Variants in PTPRR observed in about 807,000 individuals in gnomAD.
The protein encoded by PTPRR is protein tyrosine phosphatase receptor type R.
Under a neutral mutation model 77.2 loss-of-function variants are expected in PTPRR, and 38 were observed. The ratio of observed to expected loss-of-function variants is 0.49; its 90% CI spans 0.38 to 0.65. PTPRR has a LOEUF of 0.65. Among genes scored for constraint, PTPRR ranks in the 30% least tolerant of loss-of-function variants. The pLI is 0.00. For missense variants in PTPRR, 744 were observed against 799.2 expected (o/e 0.93, Z 0.83); for synonymous variants, 299 against 283.1 (o/e 1.06, Z -0.57).
chr12:70,674,701 GA>G (rs1266445557), intron 10 of PTPRR, among the ~76,000 whole-genome samples: 2 of 152,096 alleles, frequency 1.3e-5, no homozygotes, highest in African/African-American at 4.8e-5. Context: ...TATATTATGA[GA>G]TTATTGATTG....
intron 2 of PTPRR, among the ~76,000 whole-genome samples, chr12:70,824,864 A>G (rs1257490203): frequency 6.6e-6 from 1 of 152,230 alleles, no homozygotes; most frequent in African/African-American, 2.4e-5. Context: ...AGAATTAACA[A>G]TCATGAACAT....
intron 2 of PTPRR, among the ~76,000 whole-genome samples, chr12:70,765,502 G>T (rs1441517638): frequency 6.6e-6 from 1 of 152,204 alleles, no homozygotes; most frequent in South Asian, 2.1e-4. Flanking sequence ...AAACAAAGCA[G>T]CCGGGAAGCT....
chr12:70,897,833 G>A (rs200756717), intron 1 of PTPRR, among the ~76,000 whole-genome samples: 2 of 151,778 alleles, frequency 1.3e-5, no homozygotes, highest in Admixed American at 6.6e-5. Context: ...CCATAAAAAA[G>A]GATGAGTTCA....
intron 1 of PTPRR, among the ~76,000 whole-genome samples, chr12:70,901,795 GC>G (rs1893539373): frequency 1.3e-5 from 2 of 151,840 alleles, no homozygotes; most frequent in African/African-American, 4.8e-5. Flanking sequence ...ATTTAATTAA[GC>G]TTTTGCATGG....
At position 70,662,122 on chromosome 12, in the gene PTPRR, G is replaced by C. The variant is rs541456150; in HGVS notation, c.1608+373C>G. ...ACAAATGCAGATTTTCTCTTTCACAGCTTCCAGGCCTTACGCAAAGCTGCT... is the reference window on the plus strand; with the variant it reads ...ACAAATGCAGATTTTCTCTTTCACACCTTCCAGGCCTTACGCAAAGCTGCT... On this transcript the variant is annotated intron_variant, in intron 11 of 13. Coordinates refer to ENST00000283228, the MANE Select transcript of PTPRR (RefSeq NM_002849.4). Among the ~76,000 whole-genome samples, 13 of 151,994 alleles carry C rather than the reference G, an allele frequency of 8.6e-5. No individual in the cohort carries two copies. In the South Asian group the frequency reaches 1.5e-3, roughly 17 times the overall value.
intron 10 of PTPRR, among the ~76,000 whole-genome samples, chr12:70,680,552 A>G (rs1435864001): frequency 1.3e-5 from 2 of 152,180 alleles, no homozygotes; most frequent in Admixed American, 6.5e-5. Flanking sequence ...TTGCTGGCTC[A>G]GGACAGGTCA....
At chr12:70,888,275 T>C (rs1025923800) in intron 2 of PTPRR, among the ~76,000 whole-genome samples, 1 of 152,184 alleles carries the variant, frequency 6.6e-6, no homozygotes, top group Non-Finnish European at 1.5e-5. Flanking sequence ...CAAAAAATAA[T>C]TTACTTATCA....
At chr12:70,677,968 GGA>G (rs1289627048) in intron 10 of PTPRR, among the ~76,000 whole-genome samples, 1 of 152,090 alleles carries the variant, frequency 6.6e-6, no homozygotes, top group African/African-American at 2.4e-5. Flanking sequence ...AATAGTTTGA[GGA>G]GAATTGGTAT....
chr12:70,890,566 T>C (rs192428511), intron 2 of PTPRR, among the ~76,000 whole-genome samples: 1 of 152,198 alleles, frequency 6.6e-6, no homozygotes. Context: ...AAGTTACATA[T>C]AAAGTTTAGA....
intron 6 of PTPRR, among the ~76,000 whole-genome samples, chr12:70,733,690 C>T (rs902136864): frequency 6.6e-6 from 1 of 152,002 alleles, no homozygotes; most frequent in Non-Finnish European, 1.5e-5. Flanking sequence ...ATGGGAACGA[C>T]ACTTTAAAGT....
At chr12:70,893,814 C>T (rs1893379473) in intron 1 of PTPRR, among the ~76,000 whole-genome samples, 1 of 151,936 alleles carries the variant, frequency 6.6e-6, no homozygotes, top group Admixed American at 6.6e-5. Context: ...ACCAACCTCA[C>T]AGTTCCCACT....
At chr12:70,677,444 T>C (rs2136712675) in intron 10 of PTPRR, among the ~76,000 whole-genome samples, 1 of 152,296 alleles carries the variant, frequency 6.6e-6, no homozygotes, top group Admixed American at 6.5e-5. Flanking sequence ...GGACCCCCAG[T>C]ACTATGTTGA....
At chr12:70,719,080 C>G (rs937114857) in intron 6 of PTPRR, among the ~76,000 whole-genome samples, 1 of 152,136 alleles carries the variant, frequency 6.6e-6, no homozygotes, top group African/African-American at 2.4e-5. Context: ...AGATCCACAC[C>G]TAACAAATTC....
intron 6 of PTPRR, among the ~76,000 whole-genome samples, chr12:70,742,196 A>G (rs1890069333): frequency 6.6e-6 from 1 of 152,202 alleles, no homozygotes; most frequent in African/African-American, 2.4e-5. Flanking sequence ...GTCTCCTTAA[A>G]ACGTAGAGGA....
At chr12:70,743,386 C>T (rs766223483) in intron 6 of PTPRR, among the ~76,000 whole-genome samples, 1 of 152,126 alleles carries the variant, frequency 6.6e-6, no homozygotes, top group African/African-American at 2.4e-5. Flanking sequence ...GCAGCAAGTA[C>T]ACTCTGTTCT....
At chr12:70,780,849 A>G (rs77005472) in intron 2 of PTPRR, among the ~76,000 whole-genome samples, 3,521 of 152,294 alleles carry the variant, frequency 0.023, 159 homozygotes, top group African/African-American at 0.079. Flanking sequence ...CATTTGGAAT[A>G]AGATAGTGGG....
At chr12:70,713,197 G>A (rs1888894900) in intron 6 of PTPRR, among the ~76,000 whole-genome samples, 1 of 151,962 alleles carries the variant, frequency 6.6e-6, no homozygotes, top group Non-Finnish European at 1.5e-5. Context: ...ATGTTTTCAC[G>A]GTTCATCCAT....
chr12:70,753,329 GACTTTTGGGGGGC>G (rs1565682770), intron 5 of PTPRR, among the ~76,000 whole-genome samples: 1 of 152,216 alleles, frequency 6.6e-6, no homozygotes, highest in East Asian at 1.9e-4. Flanking sequence ...GTAACATAAT[GACTTTTGGGGGGC>G]ACTTAAAAAC....
At chr12:70,676,226 T>C (rs1221731939) in intron 10 of PTPRR, among the ~76,000 whole-genome samples, 1 of 152,008 alleles carries the variant, frequency 6.6e-6, no homozygotes, top group Non-Finnish European at 1.5e-5. Context: ...CTTAGCTTTA[T>C]ATTTGAATCC....
Sources: gnomAD v4.1 joint callset for allele counts (sites outside exome capture counted in the v4.1 genomes callset) on GRCh38, gnomAD v4.1.1 for gene constraint, MANE v1.5 for transcripts, NCBI Gene and HGNC (gene_info 2026-07-23, HGNC 2026-07-21) for gene names.